Variants in DLG2 observed in about 807,000 individuals in gnomAD.
The protein encoded by DLG2 is disks large homolog 2.
A neutral mutation model predicts 132.5 loss-of-function variants in DLG2; 45 were observed. The observed-to-expected ratio is 0.34, with a 90% confidence interval of 0.27 to 0.44. The LOEUF is 0.44. Ranked by LOEUF, DLG2 falls within the 20% of genes least tolerant of loss-of-function variation. The pLI is 1.00. For missense variants in DLG2, 1,045 were observed against 1,196.9 expected (o/e 0.87, Z 1.87); for synonymous variants, 424 against 419.6 (o/e 1.01, Z -0.13).
intron 8 of DLG2, among the ~76,000 whole-genome samples, chr11:84,186,381 A>G (rs1380532462): frequency 6.6e-6 from 1 of 152,074 alleles, no homozygotes; most frequent in Non-Finnish European, 1.5e-5. Context: ...ATATAAACCT[A>G]AGAGAGCTGG....
At chr11:85,023,358 C>G (rs528229442) in intron 6 of DLG2, among the ~76,000 whole-genome samples, 1 of 151,952 alleles carries the variant, frequency 6.6e-6, no homozygotes, top group South Asian at 2.1e-4. Flanking sequence ...CAACCCCTAA[C>G]ATTTTCTTAT....
intron 17 of DLG2, chr11:83,790,970 A>C (rs2041379084): frequency 4.6e-6 from 4 of 865,958 alleles, no homozygotes; most frequent in Non-Finnish European, 5.6e-6. Flanking sequence ...CATCCAGGCG[A>C]AGATACAGGT....
chr11:84,878,262 T>C (rs998612713), intron 6 of DLG2, among the ~76,000 whole-genome samples: 1 of 152,162 alleles, frequency 6.6e-6, no homozygotes, highest in African/African-American at 2.4e-5. Context: ...CATATGCACA[T>C]GCATGTTCAT....
intron 9 of DLG2, among the ~76,000 whole-genome samples, chr11:84,149,426 T>C (rs188137299): frequency 6.6e-6 from 1 of 152,316 alleles, no homozygotes; most frequent in African/African-American, 2.4e-5. Flanking sequence ...GTTTCATTCT[T>C]CTACATATGA....
At chr11:83,505,212 C>T (rs906865154) in intron 21 of DLG2, among the ~76,000 whole-genome samples, 2 of 152,200 alleles carry the variant, frequency 1.3e-5, no homozygotes, top group African/African-American at 4.8e-5. Flanking sequence ...TATATATAAC[C>T]TGCCACCAGG....
intron 8 of DLG2, among the ~76,000 whole-genome samples, chr11:84,206,100 C>T (rs1479505580): frequency 6.6e-6 from 1 of 151,968 alleles, no homozygotes; most frequent in Non-Finnish European, 1.5e-5. Context: ...TGTAATATTT[C>T]ATCTAAGTTG....
intron 7 of DLG2, among the ~76,000 whole-genome samples, chr11:84,257,349 C>G (rs572795852): frequency 2.3e-4 from 35 of 152,246 alleles, no homozygotes; most frequent in Admixed American, 2.0e-3. Flanking sequence ...TTACTTGGAA[C>G]CTACAATTAT....
chr11:84,060,210 G>C lies in DLG2; in HGVS notation c.750-726C>G, dbSNP rs1043891641. Among the ~76,000 whole-genome samples the C allele has an allele frequency of 4.6e-5, 7 of 152,182 alleles. No individual in the cohort carries two copies. In the South Asian group the frequency reaches 8.3e-4, roughly 18 times the overall value. ...TGCCTGTAGTTCAGCTACTTGGGAGGCTGAGAAAAGAGAATTGCTTGAATC... is the reference window on the plus strand; with the variant it reads ...TGCCTGTAGTTCAGCTACTTGGGAGCCTGAGAAAAGAGAATTGCTTGAATC... On this transcript the variant is annotated intron_variant, in intron 10 of 27. Coordinates refer to ENST00000376104, the MANE Select transcript of DLG2 (RefSeq NM_001142699.3).
chr11:84,899,959 G>C (rs1006433501), intron 6 of DLG2, among the ~76,000 whole-genome samples: 17 of 152,028 alleles, frequency 1.1e-4, no homozygotes, highest in Non-Finnish European at 4.4e-5. Context: ...TTAGTGGCCT[G>C]AAAGAGTTAA....
At chr11:84,284,652 C>A (rs1200290022) in intron 7 of DLG2, among the ~76,000 whole-genome samples, 1 of 152,192 alleles carries the variant, frequency 6.6e-6, no homozygotes, top group Non-Finnish European at 1.5e-5. Flanking sequence ...CCAGGACTAA[C>A]CTAGATAGAA....
chr11:84,405,777 C>T (rs114087098), intron 7 of DLG2, among the ~76,000 whole-genome samples: 84 of 152,232 alleles, frequency 5.5e-4, no homozygotes, highest in African/African-American at 1.7e-3. Context: ...TGAACAAGTA[C>T]GCAGGAAGGC....
intron 6 of DLG2, among the ~76,000 whole-genome samples, chr11:84,915,107 T>C (rs1376581203): frequency 6.6e-6 from 1 of 152,166 alleles, no homozygotes; most frequent in African/African-American, 2.4e-5. Context: ...ATCTTTTCAT[T>C]TGCATATTCC....
chr11:84,751,571 C>T (rs1245108031), intron 6 of DLG2, among the ~76,000 whole-genome samples: 1 of 152,078 alleles, frequency 6.6e-6, no homozygotes, highest in Admixed American at 6.6e-5. Context: ...ATTTCCTGGG[C>T]ATCCTCAGAT....
At chr11:84,544,967 C>A (rs1055543126) in intron 6 of DLG2, among the ~76,000 whole-genome samples, 3 of 152,150 alleles carry the variant, frequency 2.0e-5, no homozygotes, top group Non-Finnish European at 4.4e-5. Context: ...AAATACAGTC[C>A]TTGAATTTTT....
intron 3 of DLG2, among the ~76,000 whole-genome samples, chr11:85,518,741 A>G (rs537474162): frequency 1.4e-4 from 22 of 152,238 alleles, no homozygotes; most frequent in Non-Finnish European, 2.6e-4. Flanking sequence ...TCTTCACAGC[A>G]GCCTCTCCCA....
intron 4 of DLG2, among the ~76,000 whole-genome samples, chr11:85,197,985 T>C (rs570405755): frequency 2.0e-5 from 3 of 152,300 alleles, no homozygotes; most frequent in South Asian, 2.1e-4. Context: ...TCTAATGCCA[T>C]GTAACAAGTT....
At chr11:85,595,247 T>C (rs1361011615) in intron 3 of DLG2, among the ~76,000 whole-genome samples, 2 of 152,094 alleles carry the variant, frequency 1.3e-5, no homozygotes, top group Non-Finnish European at 2.9e-5. Context: ...TCCATCTAAA[T>C]GTGCAGCTTC....
intron 7 of DLG2, among the ~76,000 whole-genome samples, chr11:84,388,766 T>G (rs1364191786): frequency 6.6e-6 from 1 of 151,948 alleles, no homozygotes; most frequent in African/African-American, 2.4e-5. Context: ...GAATTGGAAG[T>G]AGAAACATGC....
intron 6 of DLG2, among the ~76,000 whole-genome samples, chr11:84,953,321 G>C (rs2051202166): frequency 6.6e-6 from 1 of 152,128 alleles, no homozygotes; most frequent in Non-Finnish European, 1.5e-5. Context: ...ACACAGTCAA[G>C]TCTGAAGTTC....
Sources: allele counts gnomAD v4.1 joint callset (sites outside exome capture counted in the v4.1 genomes callset), GRCh38; gene constraint gnomAD v4.1.1; transcripts MANE v1.5; gene names NCBI Gene and HGNC (gene_info 2026-07-23, HGNC 2026-07-21).